The following PMP22 variants were observed in gnomAD, a reference collection of about 807,000 sequenced individuals.
The protein encoded by PMP22 is Charcot-Marie-Tooth neuropathy 1A (greatly reduced nerve conduction velocity, hereditary motor sensory neuropathy Ia).
Under a neutral mutation model 18.9 loss-of-function variants are expected in PMP22, and 2 were observed. The ratio of observed to expected loss-of-function variants is 0.11; its 90% CI spans 0.04 to 0.33. The LOEUF (loss-of-function observed/expected upper bound fraction) is 0.33. Ranked by LOEUF, PMP22 falls within the 10% of genes least tolerant of loss-of-function variation. The pLI is 1.00. For synonymous variants in PMP22, 95 were observed against 89.2 expected, an observed-to-expected ratio of 1.07 and a Z score of -0.37; for missense variants, 169 against 202.2, an observed-to-expected ratio of 0.84 and a Z score of 1.00.
At chr17:15,246,093 G>A (rs1355118130) in intron 3 of PMP22, among the ~76,000 whole-genome samples, 1 of 152,052 alleles carries the variant, frequency 6.6e-6, no homozygotes, top group African/African-American at 2.4e-5. Context: ...ACATTGGCCA[G>A]AACTCCAAAA....
rs531840282 is a variant in PMP22 at position 15,236,039 on chromosome 17, C to T, written c.319+3432G>A. Among the ~76,000 whole-genome samples the T allele has an allele frequency of 4.0e-5, 6 of 151,204 alleles. No individual in the cohort carries two copies. In the East Asian group the frequency reaches 7.8e-4, roughly 20 times the overall value. Reference sequence around the variant, plus strand: ...CCTCCCAAAGTGCTGGGATTACAGGCGTGAGCCACTGCGCCCCGCCCACTG... The same window carrying T: ...CCTCCCAAAGTGCTGGGATTACAGGTGTGAGCCACTGCGCCCCGCCCACTG... On this transcript the variant is annotated intron_variant, in intron 4 of 4. Transcript: ENST00000312280.
chr17:15,247,147 A>G (rs1309186027), intron 3 of PMP22, among the ~76,000 whole-genome samples: 2 of 141,696 alleles, frequency 1.4e-5, no homozygotes, highest in African/African-American at 5.0e-5. Context: ...AGGCGGGTGG[A>G]TCACGAGGTC....
intron 3 of PMP22, among the ~76,000 whole-genome samples, chr17:15,254,915 C>T (rs892577590): frequency 7.9e-5 from 12 of 152,140 alleles, no homozygotes; most frequent in Admixed American, 6.5e-5. Flanking sequence ...GCCAAGATGG[C>T]GCCACTGAAC....
At chr17:15,256,345 G>GA in intron 3 of PMP22, among the ~76,000 whole-genome samples, 2 of 152,012 alleles carry the variant, frequency 1.3e-5, no homozygotes, top group Non-Finnish European at 2.9e-5. Context: ...AGTCCTTTCA[G>GA]AAAAAAATAC....
At chr17:15,262,713 G>A (rs1909444022) in intron 1 of PMP22, 2 of 152,514 alleles carry the variant, frequency 1.3e-5, no homozygotes, top group Non-Finnish European at 2.9e-5. Flanking sequence ...GGCCTTAAAT[G>A]CGCCTCAAGA....
chr17:15,239,222 G>T lies in PMP22; in HGVS notation c.319+249C>A. On this transcript the variant is annotated intron_variant, in intron 4 of 4. Transcript: ENST00000312280. ...GGCTTGGGTGGGGACCTTCCTTCCA[G>T]ATCCTCTAAGTTCTCTTTCATATGC... 8.2e-6 allele frequency: 5 copies of T among 611,824 alleles called. No homozygotes were observed. The South Asian group carries it at 9.9e-5, about 12-fold the overall frequency. The allele number at this position is 611,824 out of a possible 1,614,324, so 37.9% of individuals were successfully genotyped here.
chr17:15,241,104 G>A (rs1448520688), intron 3 of PMP22, among the ~76,000 whole-genome samples: 2 of 152,158 alleles, frequency 1.3e-5, no homozygotes, highest in Admixed American at 1.3e-4. Context: ...AAATGACACA[G>A]CCAAATCTAA....
intron 3 of PMP22, among the ~76,000 whole-genome samples, chr17:15,241,753 T>C (rs1597611148): frequency 6.6e-6 from 1 of 152,204 alleles, no homozygotes; most frequent in Admixed American, 6.5e-5. Context: ...TTGCCATAAG[T>C]TATTTCTCGA....
chr17:15,236,285 G>C (rs1906807667), intron 4 of PMP22, among the ~76,000 whole-genome samples: 1 of 152,176 alleles, frequency 6.6e-6, no homozygotes, highest in Admixed American at 6.5e-5. Flanking sequence ...CTGTAATCTA[G>C]AGCAAGGAGA....
At chr17:15,238,923 G>A (rs1414790078) in intron 4 of PMP22, among the ~76,000 whole-genome samples, 1 of 152,212 alleles carries the variant, frequency 6.6e-6, no homozygotes, top group South Asian at 2.1e-4. Flanking sequence ...GAAGACACCA[G>A]AGGATGACAA....
At chr17:15,234,289 A>G (rs230947) in intron 4 of PMP22, among the ~76,000 whole-genome samples, 78,921 of 151,982 alleles carry the variant, frequency 0.52, 20,588 homozygotes, top group East Asian at 0.6. Context: ...TTCAAAGAGT[A>G]AGTAGCTAAC....
At chr17:15,255,272 A>G (rs928581704) in intron 3 of PMP22, among the ~76,000 whole-genome samples, 2 of 152,206 alleles carry the variant, frequency 1.3e-5, no homozygotes, top group East Asian at 3.8e-4. Context: ...CTATGATTTG[A>G]AAAGCCATGC....
At chr17:15,257,937 C>A (rs938847640) in intron 3 of PMP22, among the ~76,000 whole-genome samples, 10 of 152,166 alleles carry the variant, frequency 6.6e-5, no homozygotes, top group Non-Finnish European at 1.3e-4. Flanking sequence ...GTTTATAATG[C>A]TTCAGCTGGG....
chr17:15,258,958 G>T lies in PMP22; in HGVS notation c.178+136C>A. ...CCCTCCCATTTTCCCTGGACTCATG[G>T]CTCCCTGTCACATCCCACCCCACCC... On this transcript the variant is annotated intron_variant, in intron 3 of 4. Transcript: ENST00000312280. This position sits in a 1 kb window ranked among gnomAD's most constrained non-coding sequence, Gnocchi z 4.1. 1 of 721,524 alleles carries T rather than the reference G, an allele frequency of 1.4e-6. No homozygotes were observed. The highest frequency in any genetic ancestry group is 2.5e-6 in the Non-Finnish European group (1 of 397,272). The allele number at this position is 721,524 out of a possible 1,614,324, so 44.7% of individuals were successfully genotyped here.
At chr17:15,247,423 G>A (rs1907933070) in intron 3 of PMP22, among the ~76,000 whole-genome samples, 2 of 152,194 alleles carry the variant, frequency 1.3e-5, no homozygotes, top group Non-Finnish European at 2.9e-5. Context: ...CTCCTGTTCT[G>A]AGAGTGTCCG....
chr17:15,249,058 A>G (rs1908090829), intron 3 of PMP22, among the ~76,000 whole-genome samples: 1 of 152,166 alleles, frequency 6.6e-6, no homozygotes, highest in South Asian at 2.1e-4. Flanking sequence ...AAGTATGAAA[A>G]AAGAACACGC....
rs1045918255 is a variant in PMP22 at position 15,242,315 on chromosome 17, C to A, written c.179-2704G>T. 2.0e-5 allele frequency among the ~76,000 whole-genome samples: 3 copies of A among 147,910 alleles called. No individual in the cohort carries two copies. In the South Asian group the frequency reaches 6.4e-4, roughly 32 times the overall value. ...CTATATTCTAATATAATAGATACAC[C>A]TAAAACAAGCAACAGTCAAAAACAA... On this transcript the variant is annotated intron_variant, in intron 3 of 4. Coordinates refer to ENST00000312280, the MANE Select transcript of PMP22 (RefSeq NM_000304.4).
intron 3 of PMP22, among the ~76,000 whole-genome samples, chr17:15,246,324 G>T (rs943939136): frequency 2.6e-5 from 4 of 152,098 alleles, no homozygotes; most frequent in African/African-American, 9.7e-5. Flanking sequence ...TAAATGAGTG[G>T]GTGTGACCCA....
Position 15,260,708 on chromosome 17 carries a change from C to G in PMP22, c.20G>C (p.Ser7Thr). ...CACCGCGACGTGGAGGACGATGATACTCAGCAACAGGAGGAGCATTCTGGC... is the reference window on the plus strand; with the variant it reads ...CACCGCGACGTGGAGGACGATGATAGTCAGCAACAGGAGGAGCATTCTGGC... MLLLLL[S>T]IIVLHVAVLV... Residue 7 changes from serine (S) to threonine (T), a missense_variant, in exon 2 of 5, where the codon AGT becomes ACT. Ser to Thr is a moderately conservative substitution (Grantham distance 58). Transcript: ENST00000312280. 1 of 1,553,618 alleles carries G rather than the reference C, an allele frequency of 6.4e-7. No individual in the cohort carries two copies. Among genetic ancestry groups the G allele is most frequent in the Non-Finnish European group, 8.7e-7 (1 of 1,147,996 alleles).
Sources: gnomAD v4.1 joint callset for allele counts (sites outside exome capture counted in the v4.1 genomes callset) on GRCh38, gnomAD v4.1.1 for gene constraint, Gnocchi (gnomAD v3.1) non-coding constraint, MANE v1.5 for transcripts, NCBI Gene and HGNC (gene_info 2026-07-23, HGNC 2026-07-21) for gene names.